The following FREM1 variants were observed in gnomAD, a reference collection of about 807,000 sequenced individuals.
The protein encoded by FREM1 is FRAS1-related extracellular matrix protein 1.
FREM1 carries 220 observed loss-of-function variants against 210.1 expected under a neutral mutation model. The ratio of observed to expected loss-of-function variants is 1.05; its 90% CI spans 0.94 to 1.17. The LOEUF is 1.17. FREM1 is among the 50% of genes most tolerant of loss of function. The pLI is 0.00. For synonymous variants in FREM1, 1,189 were observed against 980.2 expected, an observed-to-expected ratio of 1.21 and a Z score of -3.98; for missense variants, 3,454 against 2,675.5, an observed-to-expected ratio of 1.29 and a Z score of -6.42.
intron 1 of FREM1, among the ~76,000 whole-genome samples, chr9:14,903,790 A>G (rs1014534490): frequency 1.3e-5 from 2 of 152,078 alleles, no homozygotes; most frequent in Non-Finnish European, 2.9e-5. Context: ...CAAGAACACC[A>G]ACACACATTG....
intron 3 of FREM1, among the ~76,000 whole-genome samples, chr9:14,861,721 G>C (rs947711486): frequency 6.6e-6 from 1 of 151,924 alleles, no homozygotes; most frequent in African/African-American, 2.4e-5. Context: ...TGACCAGGCT[G>C]GTCTCAAACT....
intron 3 of FREM1, among the ~76,000 whole-genome samples, chr9:14,862,989 G>A (rs764121042): frequency 1.3e-5 from 2 of 151,900 alleles, no homozygotes; most frequent in South Asian, 2.1e-4. Flanking sequence ...ATATATATGC[G>A]TAGGAGAAGA....
rs142968132 is a variant in FREM1, at chr9:14,853,277, T to C, written c.829-1670A>G. ...TGGCAACAAGGGACATATAAATGTT[T>C]CCAGTTAAGGGCCTAGTGGGCAGAG... On this transcript the variant is annotated intron_variant, in intron 5 of 36. Transcript: ENST00000380880. Among the ~76,000 whole-genome samples the C allele has an allele frequency of 5.3e-5, 8 of 152,274 alleles. No homozygotes were observed. In the East Asian group the frequency reaches 1.5e-3, roughly 29 times the overall value.
rs1564098661 is a variant in FREM1, at chr9:14,860,556, C to CACATATATATAT, written c.330-1073_330-1072insATATATATATGT. 4.6e-3 allele frequency among the ~76,000 whole-genome samples: 293 copies of CACATATATATAT among 63,172 alleles called. 20 individuals carry two copies. Among genetic ancestry groups the CACATATATATAT allele is most frequent in the East Asian group, 8.8e-3 (8 of 904 alleles). The allele number at this position is 63,172 out of a possible 152,430, so 41.4% of individuals were successfully genotyped here. ...ATGTATATATATACACATATATATA[C>CACATATATATAT]ACACATATATATACACATATATATA... On this transcript the variant is annotated intron_variant, in intron 3 of 36. Transcript: ENST00000380880.
At chr9:14,811,357 T>C (rs7862741) in intron 16 of FREM1, among the ~76,000 whole-genome samples, 4 of 152,176 alleles carry the variant, frequency 2.6e-5, no homozygotes, top group African/African-American at 9.7e-5. Flanking sequence ...AGAAGACAGA[T>C]TCTTCTCACC....
chr9:14,799,795 T>C (rs1853171713), intron 20 of FREM1, among the ~76,000 whole-genome samples: 1 of 151,256 alleles, frequency 6.6e-6, no homozygotes. Context: ...CATTTTTTTC[T>C]TTTTTTTTAT....
chr9:14,801,445 A>G (rs949781272), intron 20 of FREM1, among the ~76,000 whole-genome samples: 6 of 152,228 alleles, frequency 3.9e-5, no homozygotes, highest in African/African-American at 1.2e-4. Context: ...ATGCTGTACA[A>G]TAAATCTCTT....
intron 15 of FREM1, among the ~76,000 whole-genome samples, chr9:14,816,422 C>T (rs1313502639): frequency 2.0e-5 from 3 of 152,084 alleles, no homozygotes; most frequent in African/African-American, 7.2e-5. Flanking sequence ...TGTATGATTG[C>T]TATGATTTTA....
chr9:14,906,703 C>A (rs1348878486), intron 1 of FREM1, among the ~76,000 whole-genome samples: 1 of 152,132 alleles, frequency 6.6e-6, no homozygotes, highest in African/African-American at 2.4e-5. Context: ...GGTAGCATGG[C>A]AGTGGGTGTG....
intron 27 of FREM1, among the ~76,000 whole-genome samples, chr9:14,766,995 T>C (rs1846539323): frequency 6.6e-6 from 1 of 152,218 alleles, no homozygotes. Flanking sequence ...ACAAGTTGCA[T>C]TTGTTAAGGA....
At chr9:14,852,667 C>A (rs986483960) in intron 5 of FREM1, among the ~76,000 whole-genome samples, 2 of 152,186 alleles carry the variant, frequency 1.3e-5, no homozygotes, top group Non-Finnish European at 2.9e-5. Context: ...GTACTTCAGC[C>A]TGGGCAAGAG....
At chr9:14,812,230 C>T (rs909406339) in intron 16 of FREM1, among the ~76,000 whole-genome samples, 2 of 152,188 alleles carry the variant, frequency 1.3e-5, no homozygotes, top group Non-Finnish European at 2.9e-5. Context: ...GGAACAAATG[C>T]CACCTGGGTG....
At chr9:14,779,037 C>T (rs1174425547) in intron 24 of FREM1, among the ~76,000 whole-genome samples, 1 of 152,144 alleles carries the variant, frequency 6.6e-6, no homozygotes, top group African/African-American at 2.4e-5. Context: ...AGCCTGAGAA[C>T]AGAGTTATGC....
Position 14,842,575 on chromosome 9 carries a change from G to C in FREM1, c.1479C>G (p.Asp493Glu). 1 of 1,613,984 alleles carries C rather than the reference G, an allele frequency of 6.2e-7. No individual in the cohort carries two copies. ...YHHDDSDSTK[D>E]FVVFRIFDGH... The stretch of plus-strand genomic sequence containing the variant: ...CATCAAATATCCGGAAGACCACGAA[G>C]TCTTTGGTGGAGTCGCTGTCATCAT... Residue 493 changes from aspartate (D) to glutamate (E), a missense_variant, in exon 9 of 37, where the codon GAC becomes GAG. By Grantham distance (45) the Asp-to-Glu change is conservative. Coordinates refer to ENST00000380880, the MANE Select transcript of FREM1 (RefSeq NM_001379081.2).
In FREM1 at chr9:14,819,264, G is replaced by C; in HGVS notation, c.2516C>G (p.Ser839Cys). 6.2e-7 allele frequency: 1 copy of C among 1,613,416 alleles called. No homozygotes were observed. The highest frequency in any genetic ancestry group is 8.5e-7 in the Non-Finnish European group (1 of 1,179,544). The change falls in exon 14 of 37, where the codon TCT (serine) becomes TGT (cysteine). Residue 839 changes from serine to cysteine, a missense_variant. Transcript: ENST00000380880. Reference protein sequence around the residue: ...GFPLNSGGTFSWGDLHTLKVR... With the variant: ...GFPLNSGGTFCWGDLHTLKVR... Reference sequence around the variant, plus strand: ...TTTTAAGGTATGGAGATCGCCCCAAGAAAATGTGCCCCCTGAATTTAGAGG... The same window carrying C: ...TTTTAAGGTATGGAGATCGCCCCAACAAAATGTGCCCCCTGAATTTAGAGG...
chr9:14,742,034 A>T (rs1841664299), intron 35 of FREM1, among the ~76,000 whole-genome samples: 1 of 152,220 alleles, frequency 6.6e-6, no homozygotes, highest in African/African-American at 2.4e-5. Context: ...AGTTATTCGC[A>T]AAAGAAACAT....
chr9:14,773,509 A>G (rs1036618973), intron 25 of FREM1, among the ~76,000 whole-genome samples: 1 of 152,130 alleles, frequency 6.6e-6, no homozygotes, highest in Non-Finnish European at 1.5e-5. Context: ...GTCACTTTCT[A>G]AAGCCTCTTG....
rs1255026658 is a variant in FREM1, at chr9:14,784,641, G to GA, written c.4178-8dup. The GA allele has an allele frequency of 5.2e-6, 8 of 1,535,076 alleles. No homozygotes were observed. In the African/African-American group the frequency reaches 9.5e-5, roughly 18 times the overall value. ...GTAAGGATGACAATATCACCTACAT[G>GA]ACATAAGAGGTTATGGTCAATAATC... On this transcript the variant is annotated splice_region_variant and splice_polypyrimidine_tract_variant and intron_variant, in intron 23 of 36. Transcript: ENST00000380880.
rs1172323215 is a variant in FREM1, at chr9:14,833,652, T to A, written c.1881+7795A>T. Among the ~76,000 whole-genome samples the A allele has an allele frequency of 2.6e-5, 4 of 152,230 alleles. 1 individual carries two copies. The highest frequency in any genetic ancestry group is 5.9e-5 in the Non-Finnish European group (4 of 68,040). ...GAAAATCTTTACTGCTTGGTGTAGC[T>A]AAAGTCAAGTAACAAGGGATTTAAA... is the stretch of plus-strand genomic sequence containing the variant. On this transcript the variant is annotated intron_variant, in intron 10 of 36. Coordinates refer to ENST00000380880, the MANE Select transcript of FREM1 (RefSeq NM_001379081.2).
Sources: allele counts gnomAD v4.1 joint callset (sites outside exome capture counted in the v4.1 genomes callset), GRCh38; gene constraint gnomAD v4.1.1; transcripts MANE v1.5; gene names NCBI Gene and HGNC (gene_info 2026-07-23, HGNC 2026-07-21).